The following CCZ1 variants were observed in gnomAD, a reference collection of about 807,000 sequenced individuals.
CCZ1 encodes CCZ1 vacuolar protein trafficking and biogenesis associated, also known as vacuolar fusion protein CCZ1 homolog.
A neutral mutation model predicts 57.8 loss-of-function variants in CCZ1; 19 were observed. The observed-to-expected ratio is 0.33, with a 90% CI of 0.23 to 0.48. The LOEUF (loss-of-function observed/expected upper bound fraction) is 0.48. CCZ1 is among the 20% of genes least tolerant of loss of function. The probability of loss-of-function intolerance (pLI) is 0.99; values close to 1 mark genes in which losing one functional copy is unlikely to be tolerated. For missense variants in CCZ1, 200 were observed against 492.0 expected (o/e 0.41, Z 5.61); for synonymous variants, 81 against 167.0 (o/e 0.49, Z 3.97).
chr7:5,916,505 G>GTT (rs113216947), intron 10 of CCZ1, among the ~76,000 whole-genome samples: 1,044 of 42,740 alleles, frequency 0.024, 11 homozygotes, highest in African/African-American at 0.063. Context: ...TTTGTTTTTT[G>GTT]TTTTTTTTTT....
Position 5,920,792 on chromosome 7 carries a change from T to G in CCZ1, c.1106+826T>G, listed in dbSNP as rs1324163791. 4.1e-5 allele frequency among the ~76,000 whole-genome samples: 4 copies of G among 97,528 alleles called. No individual in the cohort carries two copies. The East Asian group carries it at 1.0e-3, about 25-fold the overall frequency. 64.0% of individuals were successfully genotyped at this position (97,528 alleles called of 152,430 possible). ...CGGCCATGCTTATCTTTTCTCAATA[T>G]AAAATAGTTATTATAAAGTGAAAGT... is the stretch of plus-strand genomic sequence containing the variant. On this transcript the variant is annotated intron_variant, in intron 12 of 14. Transcript: ENST00000325974.
chr7:5,905,806 A>AG (rs1349031644), intron 7 of CCZ1, among the ~76,000 whole-genome samples: 2 of 140,350 alleles, frequency 1.4e-5, no homozygotes, highest in Non-Finnish European at 3.0e-5. Context: ...AAAAAAAAAA[A>AG]AGAGAAAATG....
In CCZ1 at chr7:5,902,749, G is replaced by A. The variant is rs1160849742; in HGVS notation, c.522+5G>A. 1 of 1,590,876 alleles carries A rather than the reference G, an allele frequency of 6.3e-7. No homozygotes were observed. Among genetic ancestry groups the A allele is most frequent in the Non-Finnish European group, 8.5e-7 (1 of 1,175,596 alleles). ...TTAGAGAAATTCTTCCATCGGGTAAGTATTTTGAATTTCATTTATAACTTT... is the reference window on the plus strand; with the variant it reads ...TTAGAGAAATTCTTCCATCGGGTAAATATTTTGAATTTCATTTATAACTTT... On this transcript the variant is annotated splice_donor_5th_base_variant and intron_variant, in intron 6 of 14. Transcript: ENST00000325974.
chr7:5,906,957 T>C (rs1240904150), intron 7 of CCZ1, among the ~76,000 whole-genome samples: 3 of 148,282 alleles, frequency 2.0e-5, no homozygotes, highest in Admixed American at 2.0e-4. Context: ...AACCCCTGCC[T>C]CCTGGGTTCA....
chr7:5,912,775 TTC>T (rs1236619255), intron 9 of CCZ1, 66 bp from the exon 10 acceptor site: 1 of 1,093,076 alleles, frequency 9.1e-7, no homozygotes, highest in East Asian at 2.4e-5. Context: ...TGGGAGTGTG[TTC>T]TGTTTCTAGA....
intron 7 of CCZ1, among the ~76,000 whole-genome samples, chr7:5,908,553 A>AT (rs943229241): frequency 2.0e-5 from 3 of 147,234 alleles, no homozygotes; most frequent in Non-Finnish European, 4.5e-5. Flanking sequence ...AAATTTTTAT[A>AT]TTTTTTAGTA....
In CCZ1 at chr7:5,906,266, T is replaced by C. The variant is rs1244310314; in HGVS notation, c.698+997T>C. Among the ~76,000 whole-genome samples, 2 of 147,356 alleles carry C rather than the reference T, an allele frequency of 1.4e-5. 1 individual carries two copies. Among genetic ancestry groups the C allele is most frequent in the Non-Finnish European group, 3.0e-5 (2 of 67,498 alleles). ...GACAGAAGTCATCAAGGCTTGCAGC[T>C]GTTCTGGGACCCTCAAGTTTTATGT... On this transcript the variant is annotated intron_variant, in intron 7 of 14. Transcript: ENST00000325974.
At chr7:5,908,336 A>C (rs1259748511) in intron 7 of CCZ1, among the ~76,000 whole-genome samples, 1 of 122,062 alleles carries the variant, frequency 8.2e-6, no homozygotes, top group Non-Finnish European at 1.8e-5. Flanking sequence ...TGTCACAAGC[A>C]GAGTATATAT....
chr7:5,926,290 C>G lies in CCZ1; in HGVS notation c.*603C>G. On this transcript the variant is annotated 3_prime_UTR_variant, in exon 15 of 15. Coordinates refer to ENST00000325974, the MANE Select transcript of CCZ1 (RefSeq NM_015622.6). Reference sequence around the variant, plus strand: ...GTATGTTAAAACACTGTGACGAGTTCAGTGCTAAGAACTGTAATGCTCAGG... The same window carrying G: ...GTATGTTAAAACACTGTGACGAGTTGAGTGCTAAGAACTGTAATGCTCAGG... The G allele has an allele frequency of 1.3e-6, 1 of 778,790 alleles. No homozygotes were observed. The highest frequency in any genetic ancestry group is 1.6e-5 in the South Asian group (1 of 61,220). 48.2% of individuals were successfully genotyped at this position (778,790 alleles called of 1,614,324 possible). A position where few individuals can be genotyped will look rare whatever the true frequency, so the allele number is the denominator to read the frequency against.
At chr7:5,915,778 A>ACCGC (rs1554282607) in intron 10 of CCZ1, among the ~76,000 whole-genome samples, 1 of 111,342 alleles carries the variant, frequency 9.0e-6, no homozygotes, top group African/African-American at 3.1e-5. Context: ...GTGTTCCAAA[A>ACCGC]CCCCCGGGAG....
intron 6 of CCZ1, among the ~76,000 whole-genome samples, chr7:5,903,227 T>C (rs1399124348): frequency 2.7e-5 from 4 of 147,314 alleles, no homozygotes; most frequent in Non-Finnish European, 4.5e-5. Flanking sequence ...TTCCAAGTGC[T>C]GTCCTCTTTC....
intron 7 of CCZ1, among the ~76,000 whole-genome samples, chr7:5,905,685 G>A (rs1781794690): frequency 7.2e-6 from 1 of 139,136 alleles, no homozygotes; most frequent in Non-Finnish European, 1.5e-5. Flanking sequence ...AGGAGGCTGA[G>A]GCAGGAGAAT....
At chr7:5,905,607 C>A (rs1389756207) in intron 7 of CCZ1, among the ~76,000 whole-genome samples, 7 of 144,440 alleles carry the variant, frequency 4.8e-5, no homozygotes, top group African/African-American at 1.8e-4. Flanking sequence ...CATAGTGAAA[C>A]CCTGTCTCTA....
In CCZ1 at chr7:5,923,920, GTTA is replaced by G. The variant is rs1779300213; in HGVS notation, c.1354_1356del (p.Ile452del). On this transcript the variant is annotated inframe_deletion, in exon 14 of 15. Transcript: ENST00000325974. ...GAAGTCTGATCGGCGGGAGCTCTAT[GTTA>G]TTTTGAATCAAAAAAATGCAAACCT... 1 of 1,457,934 alleles carries G rather than the reference GTTA, an allele frequency of 6.9e-7. No homozygotes were observed. Among genetic ancestry groups the G allele is most frequent in the South Asian group, 1.1e-5 (1 of 89,880 alleles). 90.3% of individuals were successfully genotyped at this position (1,457,934 alleles called of 1,614,324 possible).
At chr7:5,907,960 G>A (rs1214464531) in intron 7 of CCZ1, among the ~76,000 whole-genome samples, 1 of 145,008 alleles carries the variant, frequency 6.9e-6, no homozygotes, top group East Asian at 2.4e-4. Context: ...AAAATAGCTG[G>A]GCATTGTGGT....
At chr7:5,912,776 T>C in intron 9 of CCZ1, 67 bp from the exon 10 acceptor site, 1 of 1,091,732 alleles carries the variant, frequency 9.2e-7, no homozygotes, top group South Asian at 1.3e-5. Flanking sequence ...GGGAGTGTGT[T>C]CTGTTTCTAG....
chr7:5,908,577 G>A (rs1488405060), intron 7 of CCZ1, among the ~76,000 whole-genome samples: 4 of 147,300 alleles, frequency 2.7e-5, no homozygotes, highest in African/African-American at 7.5e-5. Flanking sequence ...ACGGTGTTTC[G>A]CCATGTTGGC....
At chr7:5,902,053 G>A in intron 5 of CCZ1, 1 of 239,818 alleles carries the variant, frequency 4.2e-6, no homozygotes, top group Non-Finnish European at 8.0e-6. Context: ...CAGCATTCTG[G>A]GAGGCTAAGG....
At chr7:5,920,030 C>T (rs75335221) in intron 12 of CCZ1, 64 bp downstream of exon 12, 385,921 of 1,501,428 alleles carry the variant, frequency 0.26, 16,582 homozygotes, top group Admixed American at 0.35. Context: ...ACGTAGTTTT[C>T]ACTTACAAAT....
Sources: allele counts gnomAD v4.1 joint callset (sites outside exome capture counted in the v4.1 genomes callset), GRCh38; gene constraint gnomAD v4.1.1; transcripts MANE v1.5; gene names NCBI Gene and HGNC (gene_info 2026-07-23, HGNC 2026-07-21).